The following TNRC6C variants were observed in gnomAD, a reference collection of about 807,000 sequenced individuals.
The protein encoded by TNRC6C is trinucleotide repeat-containing gene 6C protein.
A neutral mutation model predicts 153.7 loss-of-function variants in TNRC6C; 20 were observed. That is an observed-to-expected ratio of 0.13 (90% CI 0.09 to 0.19). The LOEUF (loss-of-function observed/expected upper bound fraction) is 0.19. Among genes scored for constraint, TNRC6C ranks in the 10% least tolerant of loss-of-function variants. The pLI is 1.00. For missense variants in TNRC6C, 1,987 were observed against 2,172.0 expected, an observed-to-expected ratio of 0.91 and a Z score of 1.69; for synonymous variants, 811 against 841.4, an observed-to-expected ratio of 0.96 and a Z score of 0.63.
At chr17:78,053,182 G>T (rs1335714799) in intron 3 of TNRC6C, among the ~76,000 whole-genome samples, 1 of 152,152 alleles carries the variant, frequency 6.6e-6, no homozygotes, top group Non-Finnish European at 1.5e-5. Context: ...CTTACGCTGG[G>T]CCTGTTTACG....
At chr17:78,091,391 G>T in intron 13 of TNRC6C, 49 bp from the exon 16 acceptor site, 1 of 1,487,784 alleles carries the variant, frequency 6.7e-7, no homozygotes, top group South Asian at 1.3e-5. Context: ...GCTTTAGAAT[G>T]AAGTCATTTA....
chr17:77,959,196 TGCC>T (rs1328691955), upstream of TNRC6C: 16 of 136,156 alleles, frequency 1.2e-4, no homozygotes, highest in East Asian at 2.3e-4. Context: ...CGGTTGTTCG[TGCC>T]GCCGCCGCCG....
At chr17:78,069,312 A>G (rs1255434113) in intron 5 of TNRC6C, among the ~76,000 whole-genome samples, 2 of 152,182 alleles carry the variant, frequency 1.3e-5, no homozygotes, top group Non-Finnish European at 1.5e-5. Context: ...ACACGGACTC[A>G]CAGGAAGGCA....
rs747954361 is a variant in TNRC6C, at chr17:78,049,487, G to T, written c.425G>T (p.Gly142Val). The T allele has an allele frequency of 1.9e-6, 3 of 1,614,016 alleles. No individual in the cohort carries two copies. The Admixed American group carries it at 5.0e-5, about 27-fold the overall frequency. The change falls in exon 3 of 20, where the codon GGG (glycine) becomes GTG (valine). Residue 142 changes from glycine to valine, a missense_variant. Physicochemically the swap from Gly to Val is moderately radical, Grantham distance 109. This residue lies in a region of TNRC6C where 1,052 missense variants were observed against 1,017.0 expected (regional missense o/e 1.03). Coordinates refer to ENST00000301624, the Ensembl canonical transcript of TNRC6C. The surrounding 1 kb of genome is among the most constrained non-coding windows in gnomAD (Gnocchi z 4.1). Reference sequence around the variant, plus strand: ...GGTCAAAATATGGGCAACCAGAACGGGAACCCAACAGGCACTTTAGGTGCT... The same window carrying T: ...GGTCAAAATATGGGCAACCAGAACGTGAACCCAACAGGCACTTTAGGTGCT...
chr17:78,029,757 T>C (rs1388112363), intron 1 of TNRC6C, among the ~76,000 whole-genome samples: 1 of 152,036 alleles, frequency 6.6e-6, no homozygotes, highest in Non-Finnish European at 1.5e-5. Flanking sequence ...TTCTGTAAGC[T>C]CTTTTCTGTG....
rs1320150939 is a variant in TNRC6C at position 77,982,801 on chromosome 17, A to G, written c.-37-21369A>G. Reference sequence around the variant, plus strand: ...AGCCGAGATTGTGCCACTGCACTCCAGCCTGGGTGACGGAGCAAGATTTCA... The same window carrying G: ...AGCCGAGATTGTGCCACTGCACTCCGGCCTGGGTGACGGAGCAAGATTTCA... On this transcript the variant is annotated intron_variant, in intron 1 of 22. Transcript: ENST00000636222. Among the ~76,000 whole-genome samples, 3 of 152,368 alleles carry G rather than the reference A, an allele frequency of 2.0e-5. No homozygotes were observed. In the East Asian group the frequency reaches 5.8e-4, roughly 29 times the overall value.
At chr17:78,016,970 G>T (rs773384140) in intron 1 of TNRC6C, among the ~76,000 whole-genome samples, 62 of 152,148 alleles carry the variant, frequency 4.1e-4, no homozygotes, top group Admixed American at 2.0e-4. Context: ...CAAAGAAGTG[G>T]CAGAGCTGAA....
At chr17:78,009,280 G>A (rs2071578933) in intron 1 of TNRC6C, among the ~76,000 whole-genome samples, 1 of 151,952 alleles carries the variant, frequency 6.6e-6, no homozygotes, top group Non-Finnish European at 1.5e-5. Flanking sequence ...TGAGGCACAG[G>A]TAATAATAGC....
intron 1 of TNRC6C, among the ~76,000 whole-genome samples, chr17:77,960,069 GA>G (rs1162570206): frequency 1.3e-5 from 2 of 152,190 alleles, no homozygotes; most frequent in African/African-American, 4.8e-5. Flanking sequence ...GGAGGTAGGG[GA>G]GGAGGAGCCG....
At chr17:78,044,390 T>G (rs144120739) in intron 2 of TNRC6C, among the ~76,000 whole-genome samples, 3 of 152,362 alleles carry the variant, frequency 2.0e-5, no homozygotes, top group African/African-American at 4.8e-5. Flanking sequence ...ATTTACTGCT[T>G]CTTCTCTGTC....
chr17:77,974,289 TAAAC>T (rs2070968186), intron 1 of TNRC6C, among the ~76,000 whole-genome samples: 1 of 152,228 alleles, frequency 6.6e-6, no homozygotes, highest in South Asian at 2.1e-4. Flanking sequence ...AAATAGCTGA[TAAAC>T]AGATGAGATT....
intron 1 of TNRC6C, among the ~76,000 whole-genome samples, chr17:78,021,335 C>T (rs2071827515): frequency 2.6e-5 from 4 of 152,224 alleles, no homozygotes; most frequent in Admixed American, 6.5e-5. Flanking sequence ...ACAGGAGGGG[C>T]GTGGGCCACG....
At chr17:78,039,022 A>G (rs976829564) in intron 2 of TNRC6C, among the ~76,000 whole-genome samples, 7 of 152,152 alleles carry the variant, frequency 4.6e-5, no homozygotes, top group Non-Finnish European at 5.9e-5. Context: ...TACATCCTGC[A>G]GACACCTAGA....
At chr17:78,064,284 A>G (rs1187680615) in intron 3 of TNRC6C, among the ~76,000 whole-genome samples, 1 of 152,200 alleles carries the variant, frequency 6.6e-6, no homozygotes, top group East Asian at 1.9e-4. Flanking sequence ...TTTAGTAGTG[A>G]CAGGGTTTCA....
At chr17:78,036,891 T>C (rs980848346) in intron 2 of TNRC6C, among the ~76,000 whole-genome samples, 2 of 150,524 alleles carry the variant, frequency 1.3e-5, no homozygotes, top group African/African-American at 4.9e-5. Context: ...ACCACTGCAC[T>C]CCAGCCTGGG....
chr17:77,960,190 C>T (rs948949884), intron 1 of TNRC6C, among the ~76,000 whole-genome samples: 1 of 152,192 alleles, frequency 6.6e-6, no homozygotes, highest in African/African-American at 2.4e-5. Context: ...ATGAAACCTC[C>T]ATTTGAGTGG....
At chr17:78,055,728 C>T (rs533599943) in intron 3 of TNRC6C, among the ~76,000 whole-genome samples, 10 of 152,188 alleles carry the variant, frequency 6.6e-5, no homozygotes, top group South Asian at 2.1e-4. Context: ...GCACTGGAGT[C>T]GTGCAATAAA....
chr17:78,105,630 CAG>C (rs2073679796), exon 20 of TNRC6C: 2 of 149,576 alleles, frequency 1.3e-5, no homozygotes, highest in Non-Finnish European at 1.5e-5. Context: ...CGTGTTGAAA[CAG>C]AAGTGTGTGT....
intron 1 of TNRC6C, among the ~76,000 whole-genome samples, chr17:77,975,113 G>A (rs1364437802): frequency 2.6e-5 from 4 of 152,078 alleles, no homozygotes; most frequent in Non-Finnish European, 1.5e-5. Flanking sequence ...CTCATGTATG[G>A]GGGGAAAAAA....
Sources: allele counts gnomAD v4.1 joint callset (sites outside exome capture counted in the v4.1 genomes callset), GRCh38; gene constraint gnomAD v4.1.1; regional missense constraint gnomAD v4.1.1; non-coding constraint Gnocchi (gnomAD v3.1); transcripts MANE v1.5; gene names NCBI Gene and HGNC (gene_info 2026-07-23, HGNC 2026-07-21).